Variants in DYNAP observed in about 807,000 individuals in gnomAD.
DYNAP encodes dynactin associated protein, also known as dynactin-associated protein.
In DYNAP, 7 loss-of-function variants were observed where a neutral mutation model predicts 8.5. That is an observed-to-expected ratio of 0.82 (90% CI 0.47 to 1.54). DYNAP has a LOEUF of 1.54. DYNAP is among the 40% of genes most tolerant of loss of function. The pLI is 0.01. For missense variants in DYNAP, 256 were observed against 224.3 expected (o/e 1.14, Z -0.90); for synonymous variants, 77 against 77.9 (o/e 0.99, Z 0.06).
upstream of DYNAP, among the ~76,000 whole-genome samples, chr18:54,587,217 G>A (rs1328700821): frequency 6.6e-6 from 1 of 152,066 alleles, no homozygotes; most frequent in Non-Finnish European, 1.5e-5. Flanking sequence ...TTTCCAGCAC[G>A]ATGAGAATAA....
At chr18:54,583,860 A>T (rs541807662), upstream of DYNAP, among the ~76,000 whole-genome samples, 96 of 152,160 alleles carry the variant, frequency 6.3e-4, no homozygotes, top group Non-Finnish European at 1.2e-3. Context: ...CTGAGAACCG[A>T]TCACCTGAAA....
intron 1 of DYNAP, among the ~76,000 whole-genome samples, chr18:54,592,529 G>A (rs1022097156): frequency 2.0e-5 from 3 of 151,958 alleles, no homozygotes; most frequent in Admixed American, 2.0e-4. Context: ...ATAAATTTTG[G>A]TGTCCTTGTT....
rs748739958 is a variant in DYNAP at position 54,597,875 on chromosome 18, C to CTG, written c.290_291dup (p.Ile98Ter). Reference sequence around the variant, plus strand: ...AAGTCTTCCTGGCTTGTCTCTTAGCCTGTGTGATAATGACAGCAATTGGAG... The same window carrying CTG: ...AAGTCTTCCTGGCTTGTCTCTTAGCCTGTGTGTGATAATGACAGCAATTGGAG... On this transcript the variant is annotated frameshift_variant, in exon 3 of 3. Coordinates refer to ENST00000648945, the MANE Select transcript of DYNAP (RefSeq NM_173629.3). LOFTEE classifies it low-confidence loss of function (END_TRUNC). 21 of 1,613,598 alleles carry CTG rather than the reference C, an allele frequency of 1.3e-5. No individual in the cohort carries two copies. The highest frequency in any genetic ancestry group is 1.4e-5 in the Non-Finnish European group (17 of 1,179,704).
Position 54,599,100 on chromosome 18 carries a change from C to A in DYNAP, c.*955C>A, listed in dbSNP as rs1419521992. ...TCTTAAATGTATTTGATTGATGTCTCATGTCTCCCTAAAAATATATAAAAC... is the reference window on the plus strand; with the variant it reads ...TCTTAAATGTATTTGATTGATGTCTAATGTCTCCCTAAAAATATATAAAAC... On this transcript the variant is annotated 3_prime_UTR_variant, in exon 3 of 3. Coordinates refer to ENST00000648945, the MANE Select transcript of DYNAP (RefSeq NM_173629.3). The A allele has an allele frequency of 6.6e-6, 1 of 152,176 alleles. No individual in the cohort carries two copies. Among genetic ancestry groups the A allele is most frequent in the African/African-American group, 2.4e-5 (1 of 41,448 alleles). The allele number at this position is 152,176 out of a possible 1,614,324, so 9.4% of individuals were successfully genotyped here. A position where few individuals can be genotyped will look rare whatever the true frequency, so the allele number is the denominator to read the frequency against.
chr18:54,593,241 C>T (rs913214519), intron 1 of DYNAP, among the ~76,000 whole-genome samples: 1 of 151,964 alleles, frequency 6.6e-6, no homozygotes, highest in Non-Finnish European at 1.5e-5. Context: ...CCTAATGGGT[C>T]AATGATTATG....
the DYNAP span, among the ~76,000 whole-genome samples, chr18:54,582,045 G>A: frequency 6.6e-6 from 1 of 152,154 alleles, no homozygotes; most frequent in Non-Finnish European, 1.5e-5. Flanking sequence ...CCAGCACTTT[G>A]GTAAGCCGAG....
chr18:54,584,594 A>G (rs1910815409), upstream of DYNAP, among the ~76,000 whole-genome samples: 1 of 152,164 alleles, frequency 6.6e-6, no homozygotes, highest in Non-Finnish European at 1.5e-5. Flanking sequence ...TATACTATAT[A>G]TTTTTGGAAT....
At chr18:54,594,203 A>G (rs1489187152) in intron 1 of DYNAP, among the ~76,000 whole-genome samples, 1 of 152,058 alleles carries the variant, frequency 6.6e-6, no homozygotes, top group East Asian at 1.9e-4. Context: ...GGAGACCTGT[A>G]TTGTTGTGGA....
rs1341813552 is a variant in DYNAP, at chr18:54,595,061, T to C, written c.180T>C (p.Leu60=). The stretch of plus-strand genomic sequence containing the variant: ...GGGTCTGCGTGAACCCAGGAATCCT[T>C]GCACATTCAAGATGTCTACAGTCAG... The part of the protein sequence containing the change: ...LTGVCVNPGI[L]AHSRCLQSES... The change falls in exon 2 of 3, where the codon CTT becomes CTC. Residue 60 remains leucine (L), a synonymous_variant. Coordinates refer to ENST00000648945, the MANE Select transcript of DYNAP (RefSeq NM_173629.3). The C allele has an allele frequency of 2.5e-6, 4 of 1,612,478 alleles. No individual in the cohort carries two copies. Among genetic ancestry groups the C allele is most frequent in the Non-Finnish European group, 3.4e-6 (4 of 1,179,056 alleles).
upstream of DYNAP, among the ~76,000 whole-genome samples, chr18:54,583,861 T>C (rs1910792877): frequency 1.3e-5 from 2 of 152,174 alleles, no homozygotes; most frequent in South Asian, 4.1e-4. Context: ...TGAGAACCGA[T>C]CACCTGAAAA....
At chr18:54,581,957 T>A in the DYNAP span, among the ~76,000 whole-genome samples, 1 of 152,264 alleles carries the variant, frequency 6.6e-6, no homozygotes, top group South Asian at 2.1e-4. Context: ...TTTATTAGTA[T>A]AAATTGCTGT....
At chr18:54,590,555 A>G (rs2144885460), upstream of DYNAP, among the ~76,000 whole-genome samples, 1 of 152,290 alleles carries the variant, frequency 6.6e-6, no homozygotes, top group African/African-American at 2.4e-5. Context: ...TTATTATGGA[A>G]CTTTCTGCAC....
upstream of DYNAP, among the ~76,000 whole-genome samples, chr18:54,588,297 C>T (rs919319840): frequency 1.3e-5 from 2 of 151,688 alleles, no homozygotes; most frequent in African/African-American, 4.8e-5. Flanking sequence ...CCTCTGCCTC[C>T]TGGGTTCAAG....
intron 1 of DYNAP, among the ~76,000 whole-genome samples, chr18:54,594,534 C>T (rs1041729993): frequency 6.6e-6 from 1 of 152,120 alleles, no homozygotes; most frequent in Admixed American, 6.6e-5. Flanking sequence ...GATGACAAAT[C>T]ATTTCAACTC....
chr18:54,598,124 T>C lies in DYNAP; in HGVS notation c.534T>C (p.Val178=), dbSNP rs1233583270. Reference sequence around the variant, plus strand: ...CCACTTCCACAGAACCTATAACTGTTGCACCTACCGATCATTTATAATTTG... The same window carrying C: ...CCACTTCCACAGAACCTATAACTGTCGCACCTACCGATCATTTATAATTTG... The part of the protein sequence containing the change: ...AATTSTEPIT[V]APTDHL Residue 178 remains valine (V), a synonymous_variant, in exon 3 of 3, where the codon GTT becomes GTC. Coordinates refer to ENST00000648945, the MANE Select transcript of DYNAP (RefSeq NM_173629.3). The C allele has an allele frequency of 9.3e-6, 15 of 1,610,462 alleles. No homozygotes were observed. The highest frequency in any genetic ancestry group is 2.7e-5 in the African/African-American group (2 of 74,830).
upstream of DYNAP, chr18:54,591,173 T>A: frequency 6.3e-7 from 1 of 1,599,750 alleles, no homozygotes; most frequent in East Asian, 2.3e-5. Flanking sequence ...TGATGCATCA[T>A]AGTTGACTTC....
chr18:54,582,205 G>A, the DYNAP span, among the ~76,000 whole-genome samples: 9 of 152,054 alleles, frequency 5.9e-5, no homozygotes, highest in African/African-American at 2.2e-4. Flanking sequence ...AGAATGGTGT[G>A]AACCCGGGAG....
chr18:54,577,392 G>A, the DYNAP span, among the ~76,000 whole-genome samples: 1 of 151,900 alleles, frequency 6.6e-6, no homozygotes, highest in African/African-American at 2.4e-5. Context: ...TTTGAGACTA[G>A]CCTGGGCAAC....
chr18:54,575,785 A>G, the DYNAP span, among the ~76,000 whole-genome samples: 1 of 151,976 alleles, frequency 6.6e-6, no homozygotes, highest in African/African-American at 2.4e-5. Flanking sequence ...TAACATTCAT[A>G]AAGTTCATTA....
Sources: allele counts gnomAD v4.1 joint callset (sites outside exome capture counted in the v4.1 genomes callset), GRCh38; gene constraint gnomAD v4.1.1; transcripts MANE v1.5; gene names NCBI Gene and HGNC (gene_info 2026-07-23, HGNC 2026-07-21).